The following FBXL18 variants were observed in gnomAD, a reference collection of about 807,000 sequenced individuals.
The protein encoded by FBXL18 is F-box/LRR-repeat protein 18.
In FBXL18, 36 loss-of-function variants were observed where a neutral mutation model predicts 46.0. The ratio of observed to expected loss-of-function variants is 0.78; its 90% CI spans 0.60 to 1.03. The LOEUF is 1.03. Among genes scored for constraint, FBXL18 ranks in the 50% least tolerant of loss-of-function variants. The pLI is 0.00. For missense variants in FBXL18, 977 were observed against 1,004.1 expected, an observed-to-expected ratio of 0.97 and a Z score of 0.36; for synonymous variants, 557 against 465.3, an observed-to-expected ratio of 1.20 and a Z score of -2.54.
chr7:5,505,157 C>T (rs572760386), intron 2 of FBXL18, among the ~76,000 whole-genome samples: 3 of 151,888 alleles, frequency 2.0e-5, no homozygotes, highest in South Asian at 4.2e-4. Context: ...CCCTCTCCCC[C>T]ACTCCCAAGG....
chr7:5,510,546 G>C (rs905626512), intron 1 of FBXL18, among the ~76,000 whole-genome samples: 34 of 151,938 alleles, frequency 2.2e-4, no homozygotes, highest in African/African-American at 8.2e-4. Flanking sequence ...GCCAGGCATG[G>C]TGGCACGTGC....
rs1466416421 is a variant in FBXL18, at chr7:5,455,565, C to T, written c.2001-7722G>A. ...TCCCCACAGGACAGTGCCATCCCCTCGGTGGGAATGGGCTCCTATTATGGG... is the reference window on the plus strand; with the variant it reads ...TCCCCACAGGACAGTGCCATCCCCTTGGTGGGAATGGGCTCCTATTATGGG... On this transcript the variant is annotated intron_variant and NMD_transcript_variant, in intron 4 of 6. Transcript: ENST00000415009. This position sits in a 1 kb window ranked among gnomAD's most constrained non-coding sequence, Gnocchi z 4.6. 6.6e-6 allele frequency among the ~76,000 whole-genome samples: 1 copy of T among 152,110 alleles called. No homozygotes were observed. Among genetic ancestry groups the T allele is most frequent in the Non-Finnish European group, 1.5e-5 (1 of 68,024 alleles).
intron 4 of FBXL18, among the ~76,000 whole-genome samples, chr7:5,457,159 A>G (rs1401994175): frequency 6.6e-6 from 1 of 152,204 alleles, no homozygotes; most frequent in East Asian, 1.9e-4. Context: ...AGGAGTCACT[A>G]TACTACATTT....
In FBXL18 at chr7:5,490,289, T is replaced by C. The variant is rs1014261507; in HGVS notation, c.2000+942A>G. ...GGGCGCACGCCTCTCTCAGGAGCCC[T>C]GATCACTCCAGCAGTCAGCCCGTCC... On this transcript the variant is annotated intron_variant, in intron 4 of 4. Transcript: ENST00000382368. The C allele has an allele frequency of 1.6e-5, 20 of 1,234,616 alleles. No individual in the cohort carries two copies. The African/African-American group carries it at 2.8e-4, about 17-fold the overall frequency. 76.5% of individuals were successfully genotyped at this position (1,234,616 alleles called of 1,614,324 possible).
chr7:5,504,767 T>C (rs1784350927), intron 2 of FBXL18, among the ~76,000 whole-genome samples: 1 of 149,142 alleles, frequency 6.7e-6, no homozygotes, highest in South Asian at 2.1e-4. Context: ...TACAAAAAAA[T>C]TAGCCCGGCG....
chr7:5,501,396 CACG>C lies in FBXL18; in HGVS notation c.870_872del (p.Val291del). ...ACTTGGGCAGCTGCAGGGCATCCAGCACGACATTGCGCGCCATGGAGTCCAGGA... is the reference window on the plus strand; with the variant it reads ...ACTTGGGCAGCTGCAGGGCATCCAGCACATTGCGCGCCATGGAGTCCAGGA... On this transcript the variant is annotated inframe_deletion, in exon 3 of 5. Transcript: ENST00000382368. The C allele has an allele frequency of 8.1e-6, 13 of 1,613,800 alleles. No homozygotes were observed. Among genetic ancestry groups the C allele is most frequent in the Non-Finnish European group, 1.1e-5 (13 of 1,180,004 alleles).
At chr7:5,484,388 A>G (rs1242202845) in intron 4 of FBXL18, among the ~76,000 whole-genome samples, 7 of 150,864 alleles carry the variant, frequency 4.6e-5, no homozygotes, top group South Asian at 2.1e-4. Context: ...GGAGAATGGC[A>G]TGAACCTGGA....
At chr7:5,487,980 C>T (rs1783819672) in intron 4 of FBXL18, among the ~76,000 whole-genome samples, 1 of 152,258 alleles carries the variant, frequency 6.6e-6, no homozygotes, top group Non-Finnish European at 1.5e-5. Context: ...TGATCAAGGG[C>T]TCTCCCAGGC....
At chr7:5,483,554 G>A (rs1193391206) in intron 4 of FBXL18, among the ~76,000 whole-genome samples, 3 of 152,072 alleles carry the variant, frequency 2.0e-5, no homozygotes, top group Non-Finnish European at 4.4e-5. Context: ...AGACCAGCCT[G>A]ACCAACATGG....
intron 3 of FBXL18, among the ~76,000 whole-genome samples, chr7:5,497,211 A>G (rs1284161539): frequency 5.3e-5 from 8 of 151,808 alleles, no homozygotes; most frequent in Admixed American, 5.3e-4. Context: ...AAAAAAAAAA[A>G]GTGGGAAAGC....
chr7:5,512,298 A>T (rs1339637820), intron 1 of FBXL18, among the ~76,000 whole-genome samples: 12 of 71,800 alleles, frequency 1.7e-4, no homozygotes, highest in African/African-American at 7.2e-4. Context: ...AGTGTTATTT[A>T]AAAAAAAAAA....
intron 4 of FBXL18, among the ~76,000 whole-genome samples, chr7:5,458,861 T>C (rs1228171472): frequency 6.6e-6 from 1 of 151,930 alleles, no homozygotes; most frequent in Non-Finnish European, 1.5e-5. Context: ...TGAAAGCAAG[T>C]GTGGGCTGGA....
At chr7:5,500,414 A>C (rs921576958) in intron 3 of FBXL18, 74 bp downstream of exon 3, 1 of 1,391,830 alleles carries the variant, frequency 7.2e-7, no homozygotes, top group Admixed American at 2.2e-5. Context: ...CCAGCCACCG[A>C]ACTCCACGCG....
chr7:5,469,935 C>T (rs970654478), intron 4 of FBXL18, among the ~76,000 whole-genome samples: 1 of 151,660 alleles, frequency 6.6e-6, no homozygotes, highest in Non-Finnish European at 1.5e-5. Context: ...GCGGAGTGTG[C>T]GAGTAAACGT....
Position 5,505,541 on chromosome 7 carries a change from G to A in FBXL18, c.108C>T (p.Leu36=), listed in dbSNP as rs751382239. Residue 36 remains leucine (L), a synonymous_variant, in exon 2 of 5, where the codon CTC becomes CTT. Coordinates refer to ENST00000382368, the MANE Select transcript of FBXL18 (RefSeq NM_024963.6). The part of the protein sequence containing the change: ...VHLLGFSDEI[L]LHILSHVPST... ...TGGGGACGTGACTCAGGATGTGAAG[G>A]AGGATCTCATCAGAGAACCCTAGGA... The A allele has an allele frequency of 3.7e-6, 6 of 1,614,118 alleles. No homozygotes were observed. Among genetic ancestry groups the A allele is most frequent in the Non-Finnish European group, 5.1e-6 (6 of 1,179,996 alleles).
chr7:5,463,000 T>C (rs1240008662), intron 4 of FBXL18, among the ~76,000 whole-genome samples: 1 of 83,832 alleles, frequency 1.2e-5, no homozygotes, highest in Non-Finnish European at 2.4e-5. Flanking sequence ...ATATATAATA[T>C]ATATACACAC....
chr7:5,482,176 G>A lies in FBXL18; in HGVS notation c.2001-245C>T, dbSNP rs1783665547. Among the ~76,000 whole-genome samples, 2 of 152,164 alleles carry A rather than the reference G, an allele frequency of 1.3e-5. 1 individual carries two copies. The highest frequency in any genetic ancestry group is 4.1e-4 in the South Asian group (2 of 4,828). Reference sequence around the variant, plus strand: ...ACACGCTTCTCTCCAGGCTCAGGGGGCACCCGCTCCATGCCAGCCACGAGG... The same window carrying A: ...ACACGCTTCTCTCCAGGCTCAGGGGACACCCGCTCCATGCCAGCCACGAGG... On this transcript the variant is annotated intron_variant, in intron 4 of 4. Transcript: ENST00000382368.
intron 1 of FBXL18, among the ~76,000 whole-genome samples, chr7:5,508,466 G>A (rs1490825464): frequency 2.7e-5 from 4 of 150,310 alleles, no homozygotes; most frequent in African/African-American, 9.8e-5. Context: ...AAAATTAGTG[G>A]GACACAGTGG....
intron 4 of FBXL18, among the ~76,000 whole-genome samples, chr7:5,486,973 G>A (rs776116737): frequency 1.3e-5 from 2 of 152,272 alleles, no homozygotes; most frequent in Non-Finnish European, 2.9e-5. Flanking sequence ...CAGGAAAAGC[G>A]AGAGCAAACC....
Sources: allele counts gnomAD v4.1 joint callset (sites outside exome capture counted in the v4.1 genomes callset), GRCh38; gene constraint gnomAD v4.1.1; non-coding constraint Gnocchi (gnomAD v3.1); transcripts MANE v1.5; gene names NCBI Gene and HGNC (gene_info 2026-07-23, HGNC 2026-07-21).